BBS9: variants seen among roughly 807,000 people sequenced by gnomAD.
BBS9 encodes the protein protein PTHB1.
A neutral mutation model predicts 117.7 loss-of-function variants in BBS9; 89 were observed. The observed-to-expected ratio is 0.76, with a 90% CI of 0.64 to 0.90. The LOEUF is 0.90. Ranked by LOEUF, BBS9 falls within the 40% of genes least tolerant of loss-of-function variation. The pLI, the probability that BBS9 is intolerant of heterozygous loss-of-function variation, is 0.00. For missense variants in BBS9, 982 were observed against 1,042.2 expected (o/e 0.94, Z 0.80); for synonymous variants, 379 against 370.9 (o/e 1.02, Z -0.25).
intron 19 of BBS9, among the ~76,000 whole-genome samples, chr7:33,468,752 C>A (rs1840538307): frequency 6.6e-6 from 1 of 152,082 alleles, no homozygotes; most frequent in South Asian, 2.1e-4. Context: ...TGAATGAGAA[C>A]ATGCAATGTT....
At chr7:33,275,927 C>G (rs1800685107) in intron 9 of BBS9, among the ~76,000 whole-genome samples, 1 of 152,106 alleles carries the variant, frequency 6.6e-6, no homozygotes, top group South Asian at 2.1e-4. Context: ...CATCATGATG[C>G]TTATGTTCAA....
At chr7:33,518,243 T>C (rs901698517) in intron 20 of BBS9, among the ~76,000 whole-genome samples, 4 of 144,490 alleles carry the variant, frequency 2.8e-5, no homozygotes, top group Admixed American at 2.8e-4. Flanking sequence ...TTTGTATATA[T>C]TCTTTTTTTT....
intron 9 of BBS9, among the ~76,000 whole-genome samples, chr7:33,282,619 G>T (rs545681183): frequency 6.6e-6 from 1 of 152,098 alleles, no homozygotes; most frequent in South Asian, 2.1e-4. Flanking sequence ...TGAGTCACCC[G>T]CCTCGCCTCC....
At chr7:33,574,711 ACACACACACACACACGCG>A (rs1402327233) in intron 21 of BBS9, among the ~76,000 whole-genome samples, 1 of 147,086 alleles carries the variant, frequency 6.8e-6, no homozygotes, top group African/African-American at 2.6e-5. Flanking sequence ...ACACACACAC[ACACACACACACACACGCG>A]CACACACACA....
intron 19 of BBS9, among the ~76,000 whole-genome samples, chr7:33,429,246 A>ACTCTCTCCCT (rs1389246366): frequency 1.3e-5 from 2 of 150,288 alleles, no homozygotes; most frequent in African/African-American, 4.9e-5. Context: ...TTGTGTTGCC[A>ACTCTCTCCCT]CTCTCTCCCC....
Position 33,294,346 on chromosome 7 carries a change from T to C in BBS9, c.1016+20390T>C, listed in dbSNP as rs1243687643. ...CTATCTATCTATCTATCTATCTATC[T>C]ATCTATCTCTTTGTCCATCCATCCA... On this transcript the variant is annotated intron_variant, in intron 9 of 22. Coordinates refer to ENST00000242067, the MANE Select transcript of BBS9 (RefSeq NM_198428.3). Among the ~76,000 whole-genome samples, 306 of 128,864 alleles carry C rather than the reference T, an allele frequency of 2.4e-3. 2 individuals carry two copies. Among genetic ancestry groups the C allele is most frequent in the African/African-American group, 8.4e-3 (273 of 32,556 alleles). 84.5% of individuals were successfully genotyped at this position (128,864 alleles called of 152,430 possible). A position where few individuals can be genotyped will look rare whatever the true frequency, so the allele number is the denominator to read the frequency against.
intron 18 of BBS9, among the ~76,000 whole-genome samples, chr7:33,386,648 G>A (rs1015756598): frequency 2.6e-5 from 4 of 151,626 alleles, no homozygotes; most frequent in African/African-American, 7.3e-5. Flanking sequence ...CCACCACCAC[G>A]CCCAGCTAAT....
intron 19 of BBS9, among the ~76,000 whole-genome samples, chr7:33,431,063 T>C (rs1170843270): frequency 1.3e-5 from 2 of 151,532 alleles, no homozygotes; most frequent in African/African-American, 4.8e-5. Flanking sequence ...GGCATGGTGC[T>C]GTGTGCCTGT....
At chr7:33,344,838 T>A (rs1014030820) in intron 12 of BBS9, among the ~76,000 whole-genome samples, 2 of 152,248 alleles carry the variant, frequency 1.3e-5, no homozygotes, top group Non-Finnish European at 2.9e-5. Context: ...TTTATAGCAA[T>A]ATGTATATAA....
At chr7:33,593,224 G>A (rs1159831490) in intron 21 of BBS9, among the ~76,000 whole-genome samples, 1 of 152,082 alleles carries the variant, frequency 6.6e-6, no homozygotes, top group East Asian at 1.9e-4. Flanking sequence ...TCATTGCAGA[G>A]TGTTCCAGAC....
At chr7:33,278,495 A>G (rs1334241713) in intron 9 of BBS9, among the ~76,000 whole-genome samples, 3 of 152,272 alleles carry the variant, frequency 2.0e-5, no homozygotes, top group Non-Finnish European at 4.4e-5. Context: ...AAATTTAAAT[A>G]TATCATCCCA....
intron 20 of BBS9, among the ~76,000 whole-genome samples, chr7:33,509,462 T>G (rs1292214390): frequency 6.6e-6 from 1 of 152,182 alleles, no homozygotes; most frequent in Non-Finnish European, 1.5e-5. Context: ...ACCAGAATGT[T>G]GAAAATATAT....
chr7:33,600,534 C>T (rs185580465), intron 21 of BBS9, among the ~76,000 whole-genome samples: 2 of 152,126 alleles, frequency 1.3e-5, no homozygotes, highest in African/African-American at 4.8e-5. Context: ...GCAGGCCCGA[C>T]TCTGCATAGC....
At position 33,505,442 on chromosome 7, in the gene BBS9, C is replaced by T. The variant is rs199629402; in HGVS notation, c.2116-21C>T. 481 of 1,613,468 alleles carry T rather than the reference C, an allele frequency of 3.0e-4. 5 individuals carry two copies. The Middle Eastern group carries it at 3.3e-3, about 11-fold the overall frequency. On this transcript the variant is annotated intron_variant, in intron 19 of 22. Coordinates refer to ENST00000242067, the MANE Select transcript of BBS9 (RefSeq NM_198428.3). ...CAATAATTGTGAAATTATCCCTAACCGAAGTTTGTAATATCTGCAGGTAAT... is the reference window on the plus strand; with the variant it reads ...CAATAATTGTGAAATTATCCCTAACTGAAGTTTGTAATATCTGCAGGTAAT...
rs561916654 is a variant in BBS9 at position 33,412,898 on chromosome 7, A to G, written c.2115+24754A>G. Among the ~76,000 whole-genome samples the G allele has an allele frequency of 3.3e-5, 5 of 152,320 alleles. 1 individual carries two copies. In the South Asian group the frequency reaches 1.0e-3, roughly 32 times the overall value. On this transcript the variant is annotated intron_variant, in intron 19 of 22. Coordinates refer to ENST00000242067, the MANE Select transcript of BBS9 (RefSeq NM_198428.3). The stretch of plus-strand genomic sequence containing the variant: ...AAATTTTGCTTTCTAGCTTGATACC[A>G]TTCTTCCTTGAGTTAGCCTTTTATT...
intron 21 of BBS9, among the ~76,000 whole-genome samples, chr7:33,626,384 T>C (rs1307278657): frequency 1.3e-5 from 2 of 152,206 alleles, no homozygotes; most frequent in East Asian, 3.8e-4. Flanking sequence ...ATGCAGAAGA[T>C]TGGTACCAGG....
intron 19 of BBS9, among the ~76,000 whole-genome samples, chr7:33,415,490 A>G (rs1271217893): frequency 6.6e-6 from 1 of 152,226 alleles, no homozygotes; most frequent in African/African-American, 2.4e-5. Context: ...ATCAACAAAG[A>G]TAGGGACCAA....
Position 33,531,945 on chromosome 7 carries a change from T to C in BBS9, c.2299-2009T>C, listed in dbSNP as rs544035976. On this transcript the variant is annotated intron_variant, in intron 20 of 22. Transcript: ENST00000242067. Reference sequence around the variant, plus strand: ...TCCCAACTTTAAGGCCCTGGTTTTATATCTCACCATCTCTGTGCAGCAAAC... The same window carrying C: ...TCCCAACTTTAAGGCCCTGGTTTTACATCTCACCATCTCTGTGCAGCAAAC... Among the ~76,000 whole-genome samples, 7 of 152,374 alleles carry C rather than the reference T, an allele frequency of 4.6e-5. No homozygotes were observed. In the East Asian group the frequency reaches 9.6e-4, roughly 21 times the overall value.
chr7:33,424,460 G>A (rs962524600), intron 19 of BBS9, among the ~76,000 whole-genome samples: 3 of 151,862 alleles, frequency 2.0e-5, no homozygotes, highest in African/African-American at 7.3e-5. Context: ...GAGAAGAGAT[G>A]TTTTTTTTAA....
Sources: gnomAD v4.1 joint callset for allele counts (sites outside exome capture counted in the v4.1 genomes callset) on GRCh38, gnomAD v4.1.1 for gene constraint, MANE v1.5 for transcripts, NCBI Gene and HGNC (gene_info 2026-07-23, HGNC 2026-07-21) for gene names.